Variants in OCA2 observed in about 807,000 individuals in gnomAD.
The protein encoded by OCA2 is P protein.
In OCA2, 77 loss-of-function variants were observed where a neutral mutation model predicts 100.2. The observed-to-expected ratio is 0.77, with a 90% CI of 0.64 to 0.93. The LOEUF is 0.93. Among genes scored for constraint, OCA2 ranks in the 40% least tolerant of loss-of-function variants. The probability of loss-of-function intolerance (pLI) is 0.00; values close to 1 mark genes in which losing one functional copy is unlikely to be tolerated. For synonymous variants in OCA2, 432 were observed against 439.2 expected (o/e 0.98, Z 0.21); for missense variants, 1,062 against 1,089.1 (o/e 0.98, Z 0.35).
At chr15:27,933,717 T>C (rs2090224981) in intron 18 of OCA2, among the ~76,000 whole-genome samples, 1 of 152,120 alleles carries the variant, frequency 6.6e-6, no homozygotes, top group Non-Finnish European at 1.5e-5. Context: ...AGAAGAAGAA[T>C]GTCATGAGGT....
rs572477806 is a variant in OCA2 at position 27,901,901 on chromosome 15, C to T, written c.2079+24226G>A. ...TGAGGCTGGGGACACAAGACTTCAG[C>T]GAGTTGTGCCCAAGGAGCCAGGGGT... On this transcript the variant is annotated intron_variant, in intron 19 of 23. Transcript: ENST00000354638. Among the ~76,000 whole-genome samples the T allele has an allele frequency of 3.3e-5, 5 of 152,276 alleles. No individual in the cohort carries two copies. The East Asian group carries it at 5.8e-4, about 18-fold the overall frequency.
At chr15:27,991,962 C>T (rs2041569218) in intron 9 of OCA2, among the ~76,000 whole-genome samples, 1 of 152,176 alleles carries the variant, frequency 6.6e-6, no homozygotes, top group Non-Finnish European at 1.5e-5. Context: ...AAATGTGATA[C>T]TAGGTGTTGG....
At position 27,985,677 on chromosome 15, in the gene OCA2, A is replaced by C. The variant is rs148719646; in HGVS notation, c.1240-489T>G. On this transcript the variant is annotated intron_variant, in intron 12 of 23. Coordinates refer to ENST00000354638, the MANE Select transcript of OCA2 (RefSeq NM_000275.3). Reference sequence around the variant, plus strand: ...CACAGTTCCATCATTCAGAGTTTGCAAAGGGCTTTGTTGAGTAATTTTTTT... The same window carrying C: ...CACAGTTCCATCATTCAGAGTTTGCCAAGGGCTTTGTTGAGTAATTTTTTT... Among the ~76,000 whole-genome samples the C allele has an allele frequency of 4.0e-5, 6 of 151,234 alleles. No homozygotes were observed. The East Asian group carries it at 1.0e-3, about 26-fold the overall frequency.
the OCA2 span, among the ~76,000 whole-genome samples, chr15:27,734,286 C>CAAAAAAAAAAAAAA: frequency 2.6e-5 from 2 of 76,370 alleles, no homozygotes; most frequent in Non-Finnish European, 5.2e-5. Flanking sequence ...TTTTCAAGAG[C>CAAAAAAAAAAAAAA]AAAAAAAAAA....
Position 27,957,469 on chromosome 15 carries a change from G to T in OCA2, c.1784+119C>A, listed in dbSNP as rs2040261326. On this transcript the variant is annotated intron_variant, in intron 16 of 23. Coordinates refer to ENST00000354638, the MANE Select transcript of OCA2 (RefSeq NM_000275.3). The surrounding 1 kb of genome is among the most constrained non-coding windows in gnomAD (Gnocchi z 4.3). ...GATAAAATGTACTATAAGAGGCTTA[G>T]CACAGTGTGCGTCACCTAAATATCA... is the stretch of plus-strand genomic sequence containing the variant. The T allele has an allele frequency of 1.6e-6, 2 of 1,214,514 alleles. No individual in the cohort carries two copies. Among genetic ancestry groups the T allele is most frequent in the Non-Finnish European group, 1.2e-6 (1 of 829,550 alleles). The allele number at this position is 1,214,514 out of a possible 1,614,324, so 75.2% of individuals were successfully genotyped here.
At chr15:27,923,707 G>C (rs1751226932) in intron 19 of OCA2, among the ~76,000 whole-genome samples, 1 of 151,992 alleles carries the variant, frequency 6.6e-6, no homozygotes, top group African/African-American at 2.4e-5. Flanking sequence ...GCAGCTGTTT[G>C]GTTTCTTTTT....
the OCA2 span, among the ~76,000 whole-genome samples, chr15:27,738,503 A>C: frequency 6.6e-6 from 1 of 152,172 alleles, no homozygotes; most frequent in Non-Finnish European, 1.5e-5. Context: ...TGGGAGGCCG[A>C]GGCGGGCAGA....
At chr15:28,016,035 A>G (rs2042380142) in intron 8 of OCA2, 69 bp downstream of exon 8, 2 of 1,216,404 alleles carry the variant, frequency 1.6e-6, no homozygotes, top group South Asian at 2.4e-5. Flanking sequence ...AGTGTCCTAT[A>G]GGTCAGACTC....
downstream of OCA2, among the ~76,000 whole-genome samples, chr15:27,752,478 C>T (rs954291285): frequency 1.3e-5 from 2 of 152,154 alleles, no homozygotes; most frequent in African/African-American, 4.8e-5. Context: ...CTTTTAGTGT[C>T]TCCTTTCTTC....
chr15:27,864,870 C>A (rs1030881202), intron 21 of OCA2, among the ~76,000 whole-genome samples: 1 of 151,858 alleles, frequency 6.6e-6, no homozygotes, highest in Non-Finnish European at 1.5e-5. Flanking sequence ...GGTTCCAACT[C>A]GGTCTTTAGG....
intron 1 of OCA2, among the ~76,000 whole-genome samples, chr15:28,090,978 A>G (rs1472973787): frequency 2.6e-5 from 4 of 152,230 alleles, no homozygotes; most frequent in Non-Finnish European, 5.9e-5. Context: ...ACAGAATGAC[A>G]GTTATTAATG....
At chr15:27,846,650 T>C (rs1268863068) in intron 22 of OCA2, among the ~76,000 whole-genome samples, 1 of 152,188 alleles carries the variant, frequency 6.6e-6, no homozygotes, top group Non-Finnish European at 1.5e-5. Flanking sequence ...GGATTCCTGA[T>C]CTGCGAGGGA....
At chr15:27,912,609 C>T (rs895573353) in intron 19 of OCA2, among the ~76,000 whole-genome samples, 13 of 152,090 alleles carry the variant, frequency 8.5e-5, no homozygotes, top group Non-Finnish European at 1.8e-4. Context: ...AGAAGGATAG[C>T]TCTTCCTTAT....
intron 2 of OCA2, among the ~76,000 whole-genome samples, chr15:28,065,172 A>T (rs1032551689): frequency 6.6e-6 from 1 of 152,134 alleles, no homozygotes; most frequent in Non-Finnish European, 1.5e-5. Context: ...ACAATTATCA[A>T]GTCTCCCACT....
chr15:27,757,396 A>G (rs760762252), intron 23 of OCA2, among the ~76,000 whole-genome samples: 3 of 152,228 alleles, frequency 2.0e-5, no homozygotes, highest in Non-Finnish European at 4.4e-5. Context: ...TTTCCCAAAC[A>G]TGGTGAGGCA....
At chr15:28,079,296 A>G (rs1345136514) in intron 2 of OCA2, among the ~76,000 whole-genome samples, 1 of 116,434 alleles carries the variant, frequency 8.6e-6, no homozygotes, top group Non-Finnish European at 1.5e-5. Context: ...TGATAAGATT[A>G]CTGTTTTTTT....
chr15:27,894,483 AAAG>A (rs1261442566), intron 19 of OCA2, among the ~76,000 whole-genome samples: 1 of 152,232 alleles, frequency 6.6e-6, no homozygotes, highest in Non-Finnish European at 1.5e-5. Context: ...ATGTGCTTTA[AAAG>A]AAGGACAGAA....
intron 1 of OCA2, among the ~76,000 whole-genome samples, chr15:28,086,643 T>C (rs1442437889): frequency 1.3e-5 from 2 of 151,970 alleles, no homozygotes; most frequent in Non-Finnish European, 2.9e-5. Context: ...ACCAAGATGA[T>C]GGAGATGTTA....
chr15:27,906,793 T>C (rs2703919), intron 19 of OCA2, among the ~76,000 whole-genome samples: 8,228 of 152,106 alleles, frequency 0.054, 766 homozygotes, highest in African/African-American at 0.19. Flanking sequence ...AAAGAACAGT[T>C]TATTTGGCTC....
Sources: gnomAD v4.1 joint callset for allele counts (sites outside exome capture counted in the v4.1 genomes callset) on GRCh38, gnomAD v4.1.1 for gene constraint, Gnocchi (gnomAD v3.1) non-coding constraint, MANE v1.5 for transcripts, NCBI Gene and HGNC (gene_info 2026-07-23, HGNC 2026-07-21) for gene names.